Variants in MACROD2 observed in about 807,000 individuals in gnomAD.
The protein encoded by MACROD2 is ADP-ribose glycohydrolase MACROD2.
In MACROD2, 36 loss-of-function variants were observed where a neutral mutation model predicts 70.4. The observed-to-expected ratio is 0.51, with a 90% CI of 0.39 to 0.68. MACROD2 has a LOEUF of 0.68. MACROD2 is among the 30% of genes least tolerant of loss of function. MACROD2 has a pLI of 0.00. For missense variants in MACROD2, 496 were observed against 538.4 expected, an observed-to-expected ratio of 0.92 and a Z score of 0.78; for synonymous variants, 172 against 178.8, an observed-to-expected ratio of 0.96 and a Z score of 0.30.
At chr20:15,272,629 G>A (rs778792943) in intron 6 of MACROD2, among the ~76,000 whole-genome samples, 21 of 152,124 alleles carry the variant, frequency 1.4e-4, no homozygotes, top group South Asian at 1.2e-3. Context: ...AGCATTGTAC[G>A]CATGTACCAT....
chr20:15,433,132 G>A (rs1016786596), intron 7 of MACROD2, among the ~76,000 whole-genome samples: 2 of 151,978 alleles, frequency 1.3e-5, no homozygotes, highest in Non-Finnish European at 2.9e-5. Flanking sequence ...CATTCCCCAT[G>A]AGAACTGGAA....
intron 8 of MACROD2, among the ~76,000 whole-genome samples, chr20:15,542,921 G>A (rs558808385): frequency 6.6e-6 from 1 of 152,256 alleles, no homozygotes; most frequent in East Asian, 1.9e-4. Context: ...AGAGCAGATG[G>A]CTCTTCCGAG....
intron 5 of MACROD2, among the ~76,000 whole-genome samples, chr20:14,861,913 C>T (rs1332283899): frequency 7.7e-6 from 1 of 130,446 alleles, no homozygotes; most frequent in Non-Finnish European, 1.6e-5. Flanking sequence ...CTCTGCAATA[C>T]TTGTGGGGGC....
chr20:15,043,087 T>C (rs1226389731), intron 5 of MACROD2, among the ~76,000 whole-genome samples: 1 of 152,174 alleles, frequency 6.6e-6, no homozygotes, highest in Non-Finnish European at 1.5e-5. Context: ...CCTATCTATG[T>C]GGCCTCTCAG....
chr20:14,524,417 A>G lies in MACROD2; in HGVS notation c.301+30909A>G, dbSNP rs185898242. ...CTTTACTAGAGTTGGCTAGGGCTCT[A>G]GAGATGTCCTAAGCTTTTTCTTGAA... On this transcript the variant is annotated intron_variant, in intron 4 of 17. Coordinates refer to ENST00000684519, the MANE Select transcript of MACROD2 (RefSeq NM_001351661.2). 7.2e-5 allele frequency among the ~76,000 whole-genome samples: 11 copies of G among 152,316 alleles called. 1 individual carries two copies. The East Asian group carries it at 1.9e-3, about 27-fold the overall frequency.
At chr20:15,840,621 A>G (rs2064160030) in intron 8 of MACROD2, among the ~76,000 whole-genome samples, 1 of 152,198 alleles carries the variant, frequency 6.6e-6, no homozygotes, top group Admixed American at 6.6e-5. Flanking sequence ...TATTATTATA[A>G]GCCCAAAGGC....
At chr20:14,874,419 A>AG (rs970628091) in intron 5 of MACROD2, among the ~76,000 whole-genome samples, 2 of 151,130 alleles carry the variant, frequency 1.3e-5, no homozygotes, top group Admixed American at 1.3e-4. Context: ...AAAAAAAAAA[A>AG]AAAAAATTCA....
intron 4 of MACROD2, among the ~76,000 whole-genome samples, chr20:14,549,952 G>T (rs1190957910): frequency 1.4e-5 from 2 of 147,718 alleles, no homozygotes; most frequent in African/African-American, 5.0e-5. Flanking sequence ...TTTTTAAGAT[G>T]GAGTCTTGCT....
At chr20:14,261,305 T>C (rs2122312787) in intron 3 of MACROD2, among the ~76,000 whole-genome samples, 1 of 152,302 alleles carries the variant, frequency 6.6e-6, no homozygotes, top group East Asian at 1.9e-4. Flanking sequence ...TGTTGAAAAA[T>C]TAATTTGGGT....
chr20:15,654,830 A>G (rs989266586), intron 8 of MACROD2, among the ~76,000 whole-genome samples: 12 of 152,366 alleles, frequency 7.9e-5, no homozygotes, highest in Non-Finnish European at 1.0e-4. Context: ...CCACAGAAAT[A>G]AAATACCAAG....
At chr20:15,324,115 C>T (rs550942002) in intron 6 of MACROD2, among the ~76,000 whole-genome samples, 1 of 151,890 alleles carries the variant, frequency 6.6e-6, no homozygotes, top group Admixed American at 6.6e-5. Flanking sequence ...TGGTTTAATT[C>T]CTCTAAAGTA....
chr20:14,695,639 A>G (rs1600551373), intron 5 of MACROD2, among the ~76,000 whole-genome samples: 1 of 152,316 alleles, frequency 6.6e-6, no homozygotes, highest in South Asian at 2.1e-4. Flanking sequence ...AGAGGCTTGT[A>G]TGCTGAAGAA....
intron 5 of MACROD2, among the ~76,000 whole-genome samples, chr20:15,107,787 T>G (rs2075922653): frequency 6.6e-6 from 1 of 152,278 alleles, no homozygotes; most frequent in South Asian, 2.1e-4. Flanking sequence ...TTGTTGTTGT[T>G]GTTTTAATGT....
rs11468856 is a variant in MACROD2 at position 14,951,915 on chromosome 20, A to ATT, written c.418+266971_418+266972dup. On this transcript the variant is annotated intron_variant, in intron 5 of 17. Transcript: ENST00000684519. ...CCCTCCCCTTCAGGGCAGCTTCTCC[A>ATT]TTTTTTTTTTTTTTTTCCAGAGCTT... 2.2e-3 allele frequency among the ~76,000 whole-genome samples: 288 copies of ATT among 133,674 alleles called. 7 individuals are homozygous for ATT. The highest frequency in any genetic ancestry group is 0.019 in the Admixed American group (252 of 13,158). 87.7% of individuals were successfully genotyped at this position (133,674 alleles called of 152,430 possible).
At chr20:14,891,950 A>C (rs1211671059) in intron 5 of MACROD2, among the ~76,000 whole-genome samples, 1 of 152,102 alleles carries the variant, frequency 6.6e-6, no homozygotes, top group Non-Finnish European at 1.5e-5. Flanking sequence ...GTTTATAGAA[A>C]AATTAGTTAA....
At chr20:14,118,724 G>T (rs550818956) in intron 3 of MACROD2, among the ~76,000 whole-genome samples, 3 of 151,662 alleles carry the variant, frequency 2.0e-5, no homozygotes, top group Non-Finnish European at 4.4e-5. Context: ...TTTCAGTGTT[G>T]TTCTGATCTC....
At chr20:15,849,731 A>G (rs1568596616) in intron 8 of MACROD2, among the ~76,000 whole-genome samples, 1 of 152,182 alleles carries the variant, frequency 6.6e-6, no homozygotes, top group Non-Finnish European at 1.5e-5. Context: ...AGATATTCTT[A>G]ATCAAATAAA....
intron 10 of MACROD2, among the ~76,000 whole-genome samples, chr20:15,892,309 C>T (rs2064901628): frequency 6.6e-6 from 1 of 152,110 alleles, no homozygotes. Flanking sequence ...GTTCTATATC[C>T]AAATGAAATA....
At chr20:15,607,580 C>T (rs917724059) in intron 8 of MACROD2, among the ~76,000 whole-genome samples, 1 of 152,242 alleles carries the variant, frequency 6.6e-6, no homozygotes, top group African/African-American at 2.4e-5. Flanking sequence ...GTCACCCAGG[C>T]TGGAGTGCAA....
Sources: allele counts gnomAD v4.1 joint callset (sites outside exome capture counted in the v4.1 genomes callset), GRCh38; gene constraint gnomAD v4.1.1; transcripts MANE v1.5; gene names NCBI Gene and HGNC (gene_info 2026-07-23, HGNC 2026-07-21).